CNTN1: variants seen among roughly 807,000 people sequenced by gnomAD.
CNTN1 encodes contactin 1.
A neutral mutation model predicts 126.4 loss-of-function variants in CNTN1; 38 were observed. The ratio of observed to expected loss-of-function variants is 0.30; its 90% CI spans 0.23 to 0.39. CNTN1 has a LOEUF of 0.39. Ranked by LOEUF, CNTN1 falls within the 10% of genes least tolerant of loss-of-function variation. CNTN1 has a pLI of 1.00. For synonymous variants in CNTN1, 413 were observed against 422.6 expected (o/e 0.98, Z 0.28); for missense variants, 1,009 against 1,248.4 (o/e 0.81, Z 2.89).
At chr12:40,887,809 A>C (rs1159180981) in intron 1 of CNTN1, among the ~76,000 whole-genome samples, 4 of 152,146 alleles carry the variant, frequency 2.6e-5, no homozygotes, top group Non-Finnish European at 4.4e-5. Flanking sequence ...TGTGGCGCGT[A>C]TACACCATGG....
At chr12:40,875,520 G>T (rs936357182) in intron 1 of CNTN1, among the ~76,000 whole-genome samples, 2 of 151,846 alleles carry the variant, frequency 1.3e-5, no homozygotes, top group Non-Finnish European at 2.9e-5. Context: ...ATTCCAAAAG[G>T]TTGCATACTA....
chr12:40,737,058 G>A (rs1937716647), intron 1 of CNTN1, among the ~76,000 whole-genome samples: 1 of 151,688 alleles, frequency 6.6e-6, no homozygotes. Flanking sequence ...AATTGCTAAA[G>A]AAAAAAATTC....
At chr12:40,997,823 ATCAT>A (rs1427484967) in intron 17 of CNTN1, among the ~76,000 whole-genome samples, 5 of 152,216 alleles carry the variant, frequency 3.3e-5, no homozygotes, top group African/African-American at 1.2e-4. Flanking sequence ...TTAAGCTGAG[ATCAT>A]TCATTCAGCA....
chr12:40,913,398 C>T lies in CNTN1; in HGVS notation c.94+3293C>T, dbSNP rs376852829. Among the ~76,000 whole-genome samples the T allele has an allele frequency of 3.9e-5, 6 of 152,266 alleles. No individual in the cohort carries two copies. The East Asian group carries it at 1.2e-3, about 29-fold the overall frequency. On this transcript the variant is annotated intron_variant, in intron 3 of 23. Coordinates refer to ENST00000551295, the MANE Select transcript of CNTN1 (RefSeq NM_001843.4). ...ATTTAGAGAGTTTCAAGAGAGCTTACACCACTCCCCACCCAATAATCACTG... is the reference window on the plus strand; with the variant it reads ...ATTTAGAGAGTTTCAAGAGAGCTTATACCACTCCCCACCCAATAATCACTG...
chr12:40,772,515 T>C (rs1565713868), intron 1 of CNTN1, among the ~76,000 whole-genome samples: 3 of 151,970 alleles, frequency 2.0e-5, no homozygotes, highest in Non-Finnish European at 4.4e-5. Flanking sequence ...GTTATAAGTT[T>C]GAAAGATTAA....
At chr12:40,819,819 C>T (rs1373308128) in intron 1 of CNTN1, among the ~76,000 whole-genome samples, 4 of 152,142 alleles carry the variant, frequency 2.6e-5, no homozygotes, top group African/African-American at 9.7e-5. Context: ...TAGGATCTTC[C>T]GATCCGTGGG....
At chr12:41,048,549 A>C (rs1026900198) in intron 23 of CNTN1, among the ~76,000 whole-genome samples, 4 of 152,114 alleles carry the variant, frequency 2.6e-5, no homozygotes, top group African/African-American at 4.8e-5. Flanking sequence ...TTAATTCAAG[A>C]ATATTGCTTC....
chr12:41,036,487 T>C (rs1949268468), intron 23 of CNTN1, among the ~76,000 whole-genome samples: 2 of 152,310 alleles, frequency 1.3e-5, no homozygotes, highest in South Asian at 4.1e-4. Flanking sequence ...ATAAATTAGC[T>C]CTTAGCTTCT....
chr12:40,842,648 G>A (rs1455386295), intron 1 of CNTN1, among the ~76,000 whole-genome samples: 2 of 152,056 alleles, frequency 1.3e-5, no homozygotes, highest in Non-Finnish European at 2.9e-5. Context: ...AAGTAGTAGA[G>A]TCTTCTGTGT....
intron 1 of CNTN1, among the ~76,000 whole-genome samples, chr12:40,822,987 G>A (rs906135622): frequency 6.6e-6 from 1 of 152,110 alleles, no homozygotes; most frequent in South Asian, 2.1e-4. Flanking sequence ...ACTTATAATT[G>A]AGAATATAGC....
intron 1 of CNTN1, among the ~76,000 whole-genome samples, chr12:40,853,814 C>G (rs1406544221): frequency 6.6e-6 from 1 of 151,586 alleles, no homozygotes; most frequent in Non-Finnish European, 1.5e-5. Context: ...TCTGCCCTTA[C>G]TTTTTGTTTA....
intron 1 of CNTN1, among the ~76,000 whole-genome samples, chr12:40,793,445 C>T (rs185215796): frequency 1.6e-4 from 22 of 138,886 alleles, no homozygotes; most frequent in Non-Finnish European, 1.6e-4. Context: ...ATTTTGTCCC[C>T]GTCAGCACCT....
At position 40,975,178 on chromosome 12, in the gene CNTN1, TTATATATATATATATATATATA is replaced by T. The variant is rs58939653; in HGVS notation, c.1805-5707_1805-5686del. Among the ~76,000 whole-genome samples, 428 of 48,684 alleles carry T rather than the reference TTATATATATATATATATATATA, an allele frequency of 8.8e-3. 4 individuals are homozygous for T. The highest frequency in any genetic ancestry group is 0.026 in the African/African-American group (375 of 14,284). 31.9% of individuals were successfully genotyped at this position (48,684 alleles called of 152,430 possible). A position where few individuals can be genotyped will look rare whatever the true frequency, so the allele number is the denominator to read the frequency against. On this transcript the variant is annotated intron_variant, in intron 15 of 23. Transcript: ENST00000551295. The stretch of plus-strand genomic sequence containing the variant: ...CTTCGGTGTCCTTTTGTAAAATGGA[TTATATATATATATATATATATA>T]TATATATATATATATATATATATGT...
intron 1 of CNTN1, among the ~76,000 whole-genome samples, chr12:40,907,508 A>G (rs960018958): frequency 1.3e-5 from 2 of 152,248 alleles, no homozygotes; most frequent in African/African-American, 4.8e-5. Flanking sequence ...GCATGAGGCT[A>G]TTCCAGGGTC....
intron 7 of CNTN1, 96 bp from the exon 8 acceptor site, chr12:40,933,365 G>C (rs1034297105): frequency 2.2e-6 from 2 of 889,166 alleles, no homozygotes; most frequent in Non-Finnish European, 3.8e-6. Flanking sequence ...AAGCTTCCAT[G>C]TTGGAGCAGC....
At chr12:40,920,241 G>A (rs1240472649) in intron 4 of CNTN1, among the ~76,000 whole-genome samples, 1 of 152,052 alleles carries the variant, frequency 6.6e-6, no homozygotes, top group African/African-American at 2.4e-5. Flanking sequence ...CCAAAAGAAA[G>A]GGCTGCTCTC....
chr12:41,055,788 A>G (rs912438247), intron 23 of CNTN1, among the ~76,000 whole-genome samples: 1 of 152,130 alleles, frequency 6.6e-6, no homozygotes, highest in African/African-American at 2.4e-5. Flanking sequence ...ATCTTTATCT[A>G]TAAGTTGGAT....
chr12:40,987,864 A>C (rs1278308500), intron 16 of CNTN1, among the ~76,000 whole-genome samples: 1 of 151,892 alleles, frequency 6.6e-6, no homozygotes, highest in East Asian at 1.9e-4. Context: ...CTCTTCTGCC[A>C]TATCTTTACC....
intron 17 of CNTN1, among the ~76,000 whole-genome samples, chr12:41,008,861 C>T (rs752780064): frequency 6.6e-5 from 10 of 152,156 alleles, no homozygotes; most frequent in Admixed American, 1.3e-4. Context: ...TTGCACCAAA[C>T]GGTAGCATGA....
Sources: gnomAD v4.1 joint callset for allele counts (sites outside exome capture counted in the v4.1 genomes callset) on GRCh38, gnomAD v4.1.1 for gene constraint, MANE v1.5 for transcripts, NCBI Gene and HGNC (gene_info 2026-07-23, HGNC 2026-07-21) for gene names.